PRKD3: variants seen among roughly 807,000 people sequenced by gnomAD.
The protein encoded by PRKD3 is protein kinase D3.
In PRKD3, 47 loss-of-function variants were observed where a neutral mutation model predicts 99.2. That is an observed-to-expected ratio of 0.47 (90% CI 0.38 to 0.60). The LOEUF (loss-of-function observed/expected upper bound fraction) is 0.60, where lower values mean the gene tolerates loss of function less well. PRKD3 is among the 20% of genes least tolerant of loss of function. PRKD3 has a pLI of 0.00. For missense variants in PRKD3, 1,019 were observed against 1,088.4 expected (o/e 0.94, Z 0.90); for synonymous variants, 392 against 355.4 (o/e 1.10, Z -1.16).
At chr2:37,308,666 G>A (rs1671277479) in intron 2 of PRKD3, among the ~76,000 whole-genome samples, 1 of 152,138 alleles carries the variant, frequency 6.6e-6, no homozygotes. Flanking sequence ...TGTTGGCCAG[G>A]CTGGTCTCAA....
At chr2:37,315,614 T>C (rs891686505) in intron 2 of PRKD3, among the ~76,000 whole-genome samples, 2 of 152,200 alleles carry the variant, frequency 1.3e-5, no homozygotes, top group African/African-American at 4.8e-5. Flanking sequence ...CCTCCTGTTT[T>C]CTCTGAAAAC....
intron 2 of PRKD3, among the ~76,000 whole-genome samples, chr2:37,302,728 T>TC (rs1406304397): frequency 6.6e-6 from 1 of 152,092 alleles, no homozygotes; most frequent in Non-Finnish European, 1.5e-5. Context: ...ACTTTTAATT[T>TC]TTTTTTTTAG....
intron 2 of PRKD3, among the ~76,000 whole-genome samples, chr2:37,310,700 C>T (rs1671386585): frequency 6.6e-6 from 1 of 151,976 alleles, no homozygotes; most frequent in Non-Finnish European, 1.5e-5. Context: ...AACATCCATA[C>T]AGAAAAAAAC....
intron 2 of PRKD3, among the ~76,000 whole-genome samples, chr2:37,297,267 C>A (rs1033530646): frequency 6.6e-6 from 1 of 151,960 alleles, no homozygotes; most frequent in African/African-American, 2.4e-5. Flanking sequence ...GCGGCGAACA[C>A]CTGAATTTTA....
chr2:37,264,756 G>C (rs1328159736), intron 14 of PRKD3, among the ~76,000 whole-genome samples: 1 of 152,068 alleles, frequency 6.6e-6, no homozygotes, highest in East Asian at 1.9e-4. Context: ...GAAAAAAAAA[G>C]ACTCAATTTG....
chr2:37,299,745 T>A (rs1390980896), intron 2 of PRKD3, among the ~76,000 whole-genome samples: 1 of 152,008 alleles, frequency 6.6e-6, no homozygotes, highest in East Asian at 1.9e-4. Context: ...AATACATTTC[T>A]CAAAAGAAGA....
chr2:37,265,312 A>G (rs1391354572), intron 14 of PRKD3, among the ~76,000 whole-genome samples: 3 of 152,240 alleles, frequency 2.0e-5, no homozygotes, highest in South Asian at 2.1e-4. Flanking sequence ...TGATGCTCAC[A>G]TAACTAAATC....
intron 10 of PRKD3, 106 bp from the exon 11 acceptor site, chr2:37,274,803 G>A (rs1297957065): frequency 5.4e-6 from 6 of 1,101,034 alleles, no homozygotes; most frequent in East Asian, 2.6e-5. Context: ...CCATTAAGAC[G>A]GACACAAGTA....
At chr2:37,293,509 T>C (rs564832807) in intron 2 of PRKD3, among the ~76,000 whole-genome samples, 2 of 152,328 alleles carry the variant, frequency 1.3e-5, no homozygotes, top group Non-Finnish European at 2.9e-5. Flanking sequence ...TTAAAATACA[T>C]GTCTCTTACA....
chr2:37,320,973 G>A (rs1671862158), intron 1 of PRKD3, among the ~76,000 whole-genome samples: 4 of 152,092 alleles, frequency 2.6e-5, no homozygotes, highest in Admixed American at 1.3e-4. Context: ...TCCTGGTTTG[G>A]TTTATGGACC....
At chr2:37,317,514 G>A (rs73928005) in intron 1 of PRKD3, among the ~76,000 whole-genome samples, 7,623 of 151,956 alleles carry the variant, frequency 0.05, 608 homozygotes, top group African/African-American at 0.17. Context: ...AAAAACAGAA[G>A]GGACAAAAAA....
At chr2:37,292,670 G>A (rs974835838) in intron 3 of PRKD3, among the ~76,000 whole-genome samples, 14 of 151,030 alleles carry the variant, frequency 9.3e-5, no homozygotes, top group East Asian at 2.0e-4. Context: ...TTAAAGAGAC[G>A]AGTCTCGCTC....
Position 37,254,316 on chromosome 2 carries a change from A to G in PRKD3, c.2414-27T>C, listed in dbSNP as rs755107295. 26 of 1,585,832 alleles carry G rather than the reference A, an allele frequency of 1.6e-5. No individual in the cohort carries two copies. The South Asian group carries it at 2.4e-4, about 15-fold the overall frequency. ...TAAGGGAAAAGACAAAACAAGATAC[A>G]TGAATTTGGGTGCACAGAGTACCCC... On this transcript the variant is annotated intron_variant, in intron 17 of 18. Transcript: ENST00000234179.
intron 2 of PRKD3, among the ~76,000 whole-genome samples, chr2:37,294,244 T>C (rs1409488294): frequency 1.3e-5 from 2 of 151,150 alleles, no homozygotes; most frequent in African/African-American, 2.4e-5. Flanking sequence ...CACAGGTGCA[T>C]GTCACCACTC....
chr2:37,297,771 AGAGG>A (rs1043156903), intron 2 of PRKD3, among the ~76,000 whole-genome samples: 4 of 152,208 alleles, frequency 2.6e-5, no homozygotes, highest in Middle Eastern at 3.2e-3. Context: ...GGCAGACCAC[AGAGG>A]TAAAGTGCCA....
In PRKD3 at chr2:37,252,649, C is replaced by T. The variant is rs1191190437; in HGVS notation, c.*528G>A. ...GGCATCTAAGAAAAACCCTTCAATG[C>T]CTCTATGGTTTGTTAAACCAATGTT... On this transcript the variant is annotated 3_prime_UTR_variant, in exon 19 of 19. Coordinates refer to ENST00000234179, the MANE Select transcript of PRKD3 (RefSeq NM_005813.6). 2 of 151,954 alleles carry T rather than the reference C, an allele frequency of 1.3e-5. No homozygotes were observed. The highest frequency in any genetic ancestry group is 2.9e-5 in the Non-Finnish European group (2 of 67,988). 9.4% of individuals were successfully genotyped at this position (151,954 alleles called of 1,614,324 possible).
chr2:37,276,434 GT>G (rs1280997078), intron 9 of PRKD3, among the ~76,000 whole-genome samples: 5 of 152,024 alleles, frequency 3.3e-5, no homozygotes, highest in Non-Finnish European at 7.4e-5. Context: ...ATGAAATCAA[GT>G]TCTTATGTGT....
rs957382172 is a variant in PRKD3, at chr2:37,250,711, G to A, written c.*2466C>T. ...CTCAGGTTTTCACATGGAAAAGTAT[G>A]GTGATAGGAAATACATTTTATTATC... is the stretch of plus-strand genomic sequence containing the variant. On this transcript the variant is annotated 3_prime_UTR_variant, in exon 19 of 19. Transcript: ENST00000234179. 1 of 152,074 alleles carries A rather than the reference G, an allele frequency of 6.6e-6. No homozygotes were observed. The highest frequency in any genetic ancestry group is 2.4e-5 in the African/African-American group (1 of 41,392). The allele number at this position is 152,074 out of a possible 1,614,324, so 9.4% of individuals were successfully genotyped here.
At chr2:37,269,732 A>C in intron 12 of PRKD3, 45 bp from the exon 13 acceptor site, 1 of 1,312,122 alleles carries the variant, frequency 7.6e-7, no homozygotes, top group South Asian at 1.3e-5. Context: ...TTTCTATAAT[A>C]CAATGTCAAC....
Sources: gnomAD v4.1 joint callset for allele counts (sites outside exome capture counted in the v4.1 genomes callset) on GRCh38, gnomAD v4.1.1 for gene constraint, MANE v1.5 for transcripts, NCBI Gene and HGNC (gene_info 2026-07-23, HGNC 2026-07-21) for gene names.